Variants in KCNH1 observed in about 807,000 individuals in gnomAD.
KCNH1 encodes the protein voltage-gated delayed rectifier potassium channel KCNH1.
Under a neutral mutation model 69.2 loss-of-function variants are expected in KCNH1, and 27 were observed. The ratio of observed to expected loss-of-function variants is 0.39; its 90% confidence interval spans 0.29 to 0.54. The LOEUF is 0.54. Ranked by LOEUF, KCNH1 falls within the 20% of genes least tolerant of loss-of-function variation. KCNH1 has a pLI of 0.68. For synonymous variants in KCNH1, 456 were observed against 487.7 expected (o/e 0.93, Z 0.86); for missense variants, 798 against 1,261.6 (o/e 0.63, Z 5.57).
chr1:210,693,955 G>A (rs552803295), intron 10 of KCNH1, among the ~76,000 whole-genome samples: 1 of 152,302 alleles, frequency 6.6e-6, no homozygotes, highest in African/African-American at 2.4e-5. Context: ...CCCTTCCAGA[G>A]GCAGTTTTAG....
intron 5 of KCNH1, among the ~76,000 whole-genome samples, chr1:211,044,289 C>T (rs1690052909): frequency 6.6e-6 from 1 of 152,144 alleles, no homozygotes; most frequent in African/African-American, 2.4e-5. Flanking sequence ...CTCTTCTGTA[C>T]ACCAACAGCG....
intron 5 of KCNH1, 50 bp from the exon 6 acceptor site, chr1:211,019,306 A>G: frequency 8.2e-7 from 1 of 1,213,290 alleles, no homozygotes; most frequent in Non-Finnish European, 1.2e-6. Flanking sequence ...ATTTAATTGC[A>G]AGTATCTAAC....
chr1:211,093,489 T>C (rs2102475497), intron 3 of KCNH1, among the ~76,000 whole-genome samples: 1 of 152,312 alleles, frequency 6.6e-6, no homozygotes, highest in South Asian at 2.1e-4. Context: ...TTTCACTATG[T>C]TGGCCAGGCT....
At chr1:210,905,316 G>C (rs1038867945) in intron 7 of KCNH1, among the ~76,000 whole-genome samples, 1 of 152,172 alleles carries the variant, frequency 6.6e-6, no homozygotes, top group African/African-American at 2.4e-5. Context: ...TGAGTTAAGA[G>C]TAGCCCATAG....
At chr1:210,685,389 CTG>C (rs931912485) in intron 10 of KCNH1, among the ~76,000 whole-genome samples, 4 of 152,172 alleles carry the variant, frequency 2.6e-5, no homozygotes, top group African/African-American at 9.7e-5. Context: ...CTGGAAAACT[CTG>C]TGCCCTGGGC....
intron 5 of KCNH1, among the ~76,000 whole-genome samples, chr1:211,070,218 AC>A: frequency 6.6e-6 from 1 of 151,804 alleles, no homozygotes; most frequent in Middle Eastern, 3.4e-3. Flanking sequence ...GGAGATGGAG[AC>A]CATCCTGGCT....
chr1:211,065,077 G>T (rs1460703982), intron 5 of KCNH1, among the ~76,000 whole-genome samples: 1 of 152,216 alleles, frequency 6.6e-6, no homozygotes, highest in East Asian at 1.9e-4. Context: ...ACAGTACAGA[G>T]GTTCCTCAAA....
intron 10 of KCNH1, among the ~76,000 whole-genome samples, chr1:210,726,696 C>A (rs1188503993): frequency 6.6e-6 from 1 of 152,144 alleles, no homozygotes; most frequent in African/African-American, 2.4e-5. Context: ...TTAATAAAAC[C>A]TTTTTATTAA....
intron 6 of KCNH1, among the ~76,000 whole-genome samples, chr1:210,949,045 T>C (rs1209755827): frequency 1.3e-5 from 2 of 152,170 alleles, no homozygotes; most frequent in African/African-American, 2.4e-5. Flanking sequence ...TGGGTTAGAT[T>C]TGCCCTGTAG....
intron 7 of KCNH1, among the ~76,000 whole-genome samples, chr1:210,901,030 G>A (rs1574327258): frequency 2.6e-5 from 4 of 151,856 alleles, no homozygotes; most frequent in South Asian, 4.2e-4. Context: ...ACATGCCAAC[G>A]GCTTCTAGAT....
chr1:210,868,341 C>A (rs928738973), intron 7 of KCNH1, among the ~76,000 whole-genome samples: 2 of 151,716 alleles, frequency 1.3e-5, no homozygotes, highest in Non-Finnish European at 2.9e-5. Context: ...TGGATTCAAA[C>A]CTTTATCAGC....
intron 1 of KCNH1, among the ~76,000 whole-genome samples, chr1:211,112,501 T>TAAA (rs74258707): frequency 1.2e-3 from 146 of 126,338 alleles, no homozygotes; most frequent in Non-Finnish European, 1.9e-3. Context: ...ATTAAATAAA[T>TAAA]AAAAAAAAAA....
intron 6 of KCNH1, among the ~76,000 whole-genome samples, chr1:211,002,163 G>A (rs138582823): frequency 0.044 from 6,663 of 151,692 alleles, 250 homozygotes; most frequent in East Asian, 0.18. Context: ...AAACCTGCAC[G>A]TTGCGCACAT....
At chr1:210,792,849 G>A (rs1287437028) in intron 9 of KCNH1, among the ~76,000 whole-genome samples, 5 of 152,084 alleles carry the variant, frequency 3.3e-5, no homozygotes, top group Non-Finnish European at 5.9e-5. Context: ...GAAATGCAGG[G>A]AGATACTTAA....
At chr1:210,750,537 C>A (rs1029867180) in intron 10 of KCNH1, among the ~76,000 whole-genome samples, 1 of 152,168 alleles carries the variant, frequency 6.6e-6, no homozygotes, top group South Asian at 2.1e-4. Context: ...AAGAATCTAA[C>A]TGCTCATCCC....
chr1:211,133,800 C>G lies in KCNH1; in HGVS notation c.79+67G>C. 3 of 1,433,650 alleles carry G rather than the reference C, an allele frequency of 2.1e-6. No homozygotes were observed. The highest frequency in any genetic ancestry group is 2.9e-6 in the Non-Finnish European group (3 of 1,024,400). The allele number at this position is 1,433,650 out of a possible 1,614,324, so 88.8% of individuals were successfully genotyped here. ...TGCTGCATCTGCTGGCTCCGAGCGGCGAGAGGTTCTGCAATAAAGGCACGG... is the reference window on the plus strand; with the variant it reads ...TGCTGCATCTGCTGGCTCCGAGCGGGGAGAGGTTCTGCAATAAAGGCACGG... On this transcript the variant is annotated intron_variant, in intron 1 of 10. Coordinates refer to ENST00000271751, the MANE Select transcript of KCNH1 (RefSeq NM_172362.3). This position sits in a 1 kb window ranked among gnomAD's most constrained non-coding sequence, Gnocchi z 5.4.
At chr1:211,048,898 G>A (rs926818797) in intron 5 of KCNH1, among the ~76,000 whole-genome samples, 2 of 152,144 alleles carry the variant, frequency 1.3e-5, no homozygotes. Context: ...GGAGATTCCG[G>A]ATGAGAATCA....
intron 7 of KCNH1, among the ~76,000 whole-genome samples, chr1:210,904,367 C>T (rs1047935670): frequency 6.6e-6 from 1 of 152,126 alleles, no homozygotes; most frequent in Non-Finnish European, 1.5e-5. Flanking sequence ...CCATGCTTCC[C>T]CACCCCCACC....
At chr1:210,913,471 T>C (rs2102552418) in intron 7 of KCNH1, among the ~76,000 whole-genome samples, 2 of 152,242 alleles carry the variant, frequency 1.3e-5, no homozygotes, top group East Asian at 3.9e-4. Flanking sequence ...ATTTTCAAAT[T>C]TTTCCAAAAA....
Sources: gnomAD v4.1 joint callset for allele counts (sites outside exome capture counted in the v4.1 genomes callset) on GRCh38, gnomAD v4.1.1 for gene constraint, Gnocchi (gnomAD v3.1) non-coding constraint, MANE v1.5 for transcripts, NCBI Gene and HGNC (gene_info 2026-07-23, HGNC 2026-07-21) for gene names.